The following ARID2 variants were observed in gnomAD, a reference collection of about 807,000 sequenced individuals.
ARID2 encodes the protein AT-rich interaction domain 2.
ARID2 carries 32 observed loss-of-function variants against 184.6 expected under a neutral mutation model. The ratio of observed to expected loss-of-function variants is 0.17; its 90% confidence interval spans 0.13 to 0.23. ARID2 has a LOEUF of 0.23. Among genes scored for constraint, ARID2 ranks in the 10% least tolerant of loss-of-function variants. The probability of loss-of-function intolerance (pLI) is 1.00; values close to 1 mark genes in which losing one functional copy is unlikely to be tolerated. For synonymous variants in ARID2, 836 were observed against 772.6 expected (o/e 1.08, Z -1.36); for missense variants, 1,696 against 2,197.6 (o/e 0.77, Z 4.56).
chr12:45,898,518 A>G (rs1239812846), intron 20 of ARID2, among the ~76,000 whole-genome samples: 1 of 152,200 alleles, frequency 6.6e-6, no homozygotes, highest in Non-Finnish European at 1.5e-5. Flanking sequence ...AGTGACTGCT[A>G]ATGGGTATTG....
intron 3 of ARID2, among the ~76,000 whole-genome samples, chr12:45,793,498 T>A (rs1328439374): frequency 2.0e-5 from 3 of 151,950 alleles, no homozygotes; most frequent in Admixed American, 2.0e-4. Context: ...AAGACCTAAT[T>A]GAAAGACCTT....
chr12:45,885,452 T>G (rs1944170101), intron 16 of ARID2, among the ~76,000 whole-genome samples: 1 of 151,252 alleles, frequency 6.6e-6, no homozygotes, highest in African/African-American at 2.4e-5. Context: ...TTAAGTCAGG[T>G]GAGTTTGTTT....
chr12:45,829,577 A>G (rs1053525189), intron 6 of ARID2, among the ~76,000 whole-genome samples: 1 of 151,308 alleles, frequency 6.6e-6, no homozygotes, highest in Non-Finnish European at 1.5e-5. Flanking sequence ...GAGTTTTATA[A>G]TTGTCCTTAT....
intron 3 of ARID2, among the ~76,000 whole-genome samples, chr12:45,762,395 A>G (rs1455740830): frequency 6.6e-6 from 1 of 152,164 alleles, no homozygotes; most frequent in Non-Finnish European, 1.5e-5. Flanking sequence ...CCTCTCTGCT[A>G]TCTTGTTTTA....
At chr12:45,831,532 C>G (rs1006353983) in intron 6 of ARID2, among the ~76,000 whole-genome samples, 1 of 152,166 alleles carries the variant, frequency 6.6e-6, no homozygotes, top group African/African-American at 2.4e-5. Flanking sequence ...AAACATTCCA[C>G]TTATACATTT....
Position 45,748,786 on chromosome 12 carries a change from A to G in ARID2, c.284+17472A>G, listed in dbSNP as rs1319376118. 3.3e-5 allele frequency among the ~76,000 whole-genome samples: 5 copies of G among 152,312 alleles called. No homozygotes were observed. The East Asian group carries it at 5.8e-4, about 18-fold the overall frequency. On this transcript the variant is annotated intron_variant, in intron 3 of 20. Transcript: ENST00000334344. ...AGCATCTTCACCGAGAATACATTCTATCTCAATAAACCATTTTCTTTGCTC... is the reference window on the plus strand; with the variant it reads ...AGCATCTTCACCGAGAATACATTCTGTCTCAATAAACCATTTTCTTTGCTC...
chr12:45,817,166 C>CG (rs1049241536), intron 4 of ARID2, among the ~76,000 whole-genome samples: 1 of 152,002 alleles, frequency 6.6e-6, no homozygotes, highest in Non-Finnish European at 1.5e-5. Context: ...GACACCAGCC[C>CG]GGGCAACATA....
At chr12:45,843,722 G>T (rs985918885) in intron 11 of ARID2, among the ~76,000 whole-genome samples, 1 of 152,098 alleles carries the variant, frequency 6.6e-6, no homozygotes, top group African/African-American at 2.4e-5. Context: ...TGATGTTTAG[G>T]TGCTTTTTAT....
At chr12:45,896,078 A>T (rs1196671538) in intron 20 of ARID2, among the ~76,000 whole-genome samples, 3 of 152,236 alleles carry the variant, frequency 2.0e-5, no homozygotes, top group Admixed American at 1.3e-4. Context: ...TTTTGAAAAA[A>T]TAGAAAAATC....
At chr12:45,817,983 T>G (rs979910988) in intron 5 of ARID2, 95 bp downstream of exon 5, 2 of 878,444 alleles carry the variant, frequency 2.3e-6, no homozygotes, top group Non-Finnish European at 3.3e-6. Flanking sequence ...GTCAACATAA[T>G]AGCATTCTTT....
At chr12:45,876,322 G>A (rs188959473) in intron 16 of ARID2, among the ~76,000 whole-genome samples, 19 of 152,164 alleles carry the variant, frequency 1.2e-4, no homozygotes, top group African/African-American at 3.4e-4. Context: ...AGGCCGAGGC[G>A]GGTGGATCAC....
chr12:45,865,401 TAAAC>T (rs1943816178), intron 16 of ARID2, among the ~76,000 whole-genome samples: 1 of 152,134 alleles, frequency 6.6e-6, no homozygotes, highest in Admixed American at 6.5e-5. Flanking sequence ...TCTTTTAAAG[TAAAC>T]AGACAAATGA....
chr12:45,779,596 T>C (rs1259298950), intron 3 of ARID2, among the ~76,000 whole-genome samples: 4 of 152,116 alleles, frequency 2.6e-5, no homozygotes, highest in Admixed American at 1.3e-4. Flanking sequence ...AGAGGATCCA[T>C]TGGGAATCAC....
At chr12:45,793,031 G>GC (rs1259617367) in intron 3 of ARID2, among the ~76,000 whole-genome samples, 1 of 152,124 alleles carries the variant, frequency 6.6e-6, no homozygotes, top group African/African-American at 2.4e-5. Flanking sequence ...GGGTGCAGTG[G>GC]CTCACGCCTG....
chr12:45,869,251 G>A (rs1004990779), intron 16 of ARID2, among the ~76,000 whole-genome samples: 1 of 151,982 alleles, frequency 6.6e-6, no homozygotes, highest in South Asian at 2.1e-4. Context: ...TCCTGAGCTC[G>A]TGATCTGCCT....
chr12:45,783,076 G>A (rs547535325), intron 3 of ARID2, among the ~76,000 whole-genome samples: 47 of 152,048 alleles, frequency 3.1e-4, no homozygotes, highest in South Asian at 1.2e-3. Context: ...AGAGGTTGCA[G>A]TGAGCCAAGA....
chr12:45,783,069 G>A (rs1230208302), intron 3 of ARID2, among the ~76,000 whole-genome samples: 1 of 152,008 alleles, frequency 6.6e-6, no homozygotes, highest in Non-Finnish European at 1.5e-5. Flanking sequence ...GGGAGGCAGA[G>A]GTTGCAGTGA....
intron 16 of ARID2, among the ~76,000 whole-genome samples, chr12:45,865,882 T>A (rs949905260): frequency 1.3e-5 from 2 of 152,128 alleles, no homozygotes; most frequent in African/African-American, 2.4e-5. Context: ...TACTCAAGAC[T>A]CTTAACAAAA....
At chr12:45,733,683 A>G (rs1565575582) in intron 3 of ARID2, among the ~76,000 whole-genome samples, 2 of 152,214 alleles carry the variant, frequency 1.3e-5, no homozygotes, top group South Asian at 4.1e-4. Flanking sequence ...GTTTTATGAT[A>G]TATCTTCATA....
Sources: allele counts gnomAD v4.1 joint callset (sites outside exome capture counted in the v4.1 genomes callset), GRCh38; gene constraint gnomAD v4.1.1; transcripts MANE v1.5; gene names NCBI Gene and HGNC (gene_info 2026-07-23, HGNC 2026-07-21).